Variants in PGCKA1 observed in about 807,000 individuals in gnomAD.
PGCKA1 encodes PDCD10 and GCKIII kinases associated 1, also known as PDCD10 and GCKIII kinases-associated protein 1.
chr4:37,553,760 C>A, the PGCKA1 span, among the ~76,000 whole-genome samples: 1 of 152,124 alleles, frequency 6.6e-6, no homozygotes, highest in Non-Finnish European at 1.5e-5. Context: ...CTTTAAATTG[C>A]CAATGATATT....
the PGCKA1 span, among the ~76,000 whole-genome samples, chr4:37,579,443 A>G: frequency 1.3e-5 from 2 of 152,192 alleles, no homozygotes; most frequent in South Asian, 4.1e-4. Flanking sequence ...CATTTCTTGT[A>G]AGATAGAACT....
chr4:37,570,429 CAAAA>C, the PGCKA1 span, among the ~76,000 whole-genome samples: 2 of 117,568 alleles, frequency 1.7e-5, no homozygotes, highest in Non-Finnish European at 3.4e-5. Context: ...ATGTTTCTGC[CAAAA>C]AAAAAAAAAA....
the PGCKA1 span, among the ~76,000 whole-genome samples, chr4:37,463,274 G>C: frequency 6.6e-6 from 1 of 152,086 alleles, no homozygotes; most frequent in Non-Finnish European, 1.5e-5. Context: ...CATTACCTGG[G>C]TTTGAATCCT....
At chr4:37,475,557 G>A in the PGCKA1 span, among the ~76,000 whole-genome samples, 24 of 152,070 alleles carry the variant, frequency 1.6e-4, no homozygotes, top group African/African-American at 5.1e-4. Flanking sequence ...TTTAAGATTT[G>A]TAATGTTACA....
At chr4:37,538,935 A>C in the PGCKA1 span, among the ~76,000 whole-genome samples, 1 of 152,114 alleles carries the variant, frequency 6.6e-6, no homozygotes. Context: ...AAAATGTTAA[A>C]CTCTAGAGAG....
At chr4:37,479,806 A>G in the PGCKA1 span, among the ~76,000 whole-genome samples, 31 of 152,194 alleles carry the variant, frequency 2.0e-4, no homozygotes, top group African/African-American at 6.8e-4. Context: ...AAGATCTTTA[A>G]AAACAAGAAG....
the PGCKA1 span, among the ~76,000 whole-genome samples, chr4:37,485,203 T>A: frequency 1.3e-5 from 2 of 152,180 alleles, no homozygotes; most frequent in Non-Finnish European, 2.9e-5. Flanking sequence ...GCTTGTTTTC[T>A]GATCAGGTAT....
At chr4:37,546,556 A>C in the PGCKA1 span, among the ~76,000 whole-genome samples, 1 of 152,372 alleles carries the variant, frequency 6.6e-6, no homozygotes, top group Non-Finnish European at 1.5e-5. Context: ...GAAATTGTGC[A>C]GTCAGGGAGC....
the PGCKA1 span, among the ~76,000 whole-genome samples, chr4:37,541,305 T>G: frequency 1.3e-5 from 2 of 152,204 alleles, no homozygotes; most frequent in East Asian, 3.8e-4. Flanking sequence ...GGAGGACTTA[T>G]AGAACGATAT....
the PGCKA1 span, among the ~76,000 whole-genome samples, chr4:37,474,534 A>G: frequency 1.3e-5 from 2 of 152,194 alleles, no homozygotes; most frequent in Admixed American, 6.5e-5. Context: ...AAAAGAGGGA[A>G]TGACATGAAT....
the PGCKA1 span, chr4:37,588,882 C>T: frequency 6.2e-7 from 1 of 1,613,318 alleles, no homozygotes. Flanking sequence ...GGTGCAGGTG[C>T]TGTAAAATAA....
the PGCKA1 span, among the ~76,000 whole-genome samples, chr4:37,589,780 T>C: frequency 6.6e-6 from 1 of 152,130 alleles, no homozygotes; most frequent in Non-Finnish European, 1.5e-5. Flanking sequence ...TACAGGTGCC[T>C]ACCACCTCAC....
chr4:37,515,670 T>C, the PGCKA1 span, among the ~76,000 whole-genome samples: 1 of 152,172 alleles, frequency 6.6e-6, no homozygotes, highest in African/African-American at 2.4e-5. Flanking sequence ...TGGCTCCCCA[T>C]CCTCAGTTTG....
At chr4:37,543,665 G>GAAA in the PGCKA1 span, among the ~76,000 whole-genome samples, 51,909 of 147,760 alleles carry the variant, frequency 0.35, 9,386 homozygotes, top group South Asian at 0.46. Context: ...CATCTCTACT[G>GAAA]AAAAAAAAAA....
the PGCKA1 span, among the ~76,000 whole-genome samples, chr4:37,531,091 G>C: frequency 1.4e-4 from 21 of 152,208 alleles, no homozygotes; most frequent in African/African-American, 3.6e-4. Flanking sequence ...ACAGTGACCT[G>C]TTACTGTCTT....
chr4:37,461,818 C>T, the PGCKA1 span, among the ~76,000 whole-genome samples: 1 of 151,938 alleles, frequency 6.6e-6, no homozygotes, highest in Admixed American at 6.6e-5. Flanking sequence ...GTGAAGAGAA[C>T]TCAGACCAAG....
chr4:37,568,711 A>G, the PGCKA1 span, among the ~76,000 whole-genome samples: 338 of 152,358 alleles, frequency 2.2e-3, 1 homozygote, highest in African/African-American at 7.8e-3. Flanking sequence ...GCAGCACGGA[A>G]GTACTGAAGC....
At chr4:37,459,670 G>A in the PGCKA1 span, among the ~76,000 whole-genome samples, 1 of 152,096 alleles carries the variant, frequency 6.6e-6, no homozygotes, top group Non-Finnish European at 1.5e-5. Flanking sequence ...TACTGAATCA[G>A]AACCTGCATT....
chr4:37,522,641 T>C, the PGCKA1 span, among the ~76,000 whole-genome samples: 30,095 of 151,654 alleles, frequency 0.2, 3,585 homozygotes, highest in African/African-American at 0.33. Context: ...ACATAGTATC[T>C]GGGTATCACT....
Sources: allele counts gnomAD v4.1 joint callset (sites outside exome capture counted in the v4.1 genomes callset), GRCh38; gene constraint gnomAD v4.1.1; transcripts MANE v1.5; gene names NCBI Gene and HGNC (gene_info 2026-07-23, HGNC 2026-07-21).